The following TSC1 variants were observed in gnomAD, a reference collection of about 807,000 sequenced individuals.
TSC1 encodes the protein hamartin.
Under a neutral mutation model 124.3 loss-of-function variants are expected in TSC1, and 20 were observed. The observed-to-expected ratio is 0.16, with a 90% confidence interval of 0.11 to 0.23. The LOEUF (loss-of-function observed/expected upper bound fraction) is 0.23, where lower values mean the gene tolerates loss of function less well. Among genes scored for constraint, TSC1 ranks in the 10% least tolerant of loss-of-function variants. The pLI is 1.00. For missense variants in TSC1, 1,124 were observed against 1,448.5 expected (o/e 0.78, Z 3.64); for synonymous variants, 493 against 539.1 (o/e 0.91, Z 1.19).
In TSC1 at chr9:132,905,825, G is replaced by T. The variant is rs766367103; in HGVS notation, c.1753C>A (p.Pro585Thr). 6.2e-7 allele frequency: 1 copy of T among 1,614,074 alleles called. No individual in the cohort carries two copies. Among genetic ancestry groups the T allele is most frequent in the Non-Finnish European group, 8.5e-7 (1 of 1,180,010 alleles). The change falls in exon 15 of 23, where the codon CCT (proline) becomes ACT (threonine). Residue 585 changes from proline (P) to threonine (T), a missense_variant. Coordinates refer to ENST00000298552, the MANE Select transcript of TSC1 (RefSeq NM_000368.5). ...SLETSIFTPS[P>T]CKIPPPTRVG... ...CTCGTCGGAGGTGGAATTTTACAAG[G>T]ACTGGGAGTGAAGATACTGGTCTCC...
chr9:132,903,598 G>T lies in TSC1; in HGVS notation c.2208+53C>A. 1 of 1,610,948 alleles carries T rather than the reference G, an allele frequency of 6.2e-7. No homozygotes were observed. Among genetic ancestry groups the T allele is most frequent in the South Asian group, 1.1e-5 (1 of 90,744 alleles). Reference sequence around the variant, plus strand: ...GCTGTGCTTTATAAGCTATCATGCTGACCCAAAACAAAACAAAAAGCAAGC... The same window carrying T: ...GCTGTGCTTTATAAGCTATCATGCTTACCCAAAACAAAACAAAAAGCAAGC... On this transcript the variant is annotated intron_variant, in intron 17 of 22. Coordinates refer to ENST00000298552, the MANE Select transcript of TSC1 (RefSeq NM_000368.5). This position sits in a 1 kb window ranked among gnomAD's most constrained non-coding sequence, Gnocchi z 5.9.
chr9:132,935,545 G>T (rs1847414448), intron 1 of TSC1, among the ~76,000 whole-genome samples: 1 of 152,238 alleles, frequency 6.6e-6, no homozygotes, highest in South Asian at 2.1e-4. Flanking sequence ...TACATGAGAT[G>T]ATGCATTCCA....
Position 132,933,275 on chromosome 9 carries a change from A to G in TSC1, c.-81+1758T>C, listed in dbSNP as rs186936793. Among the ~76,000 whole-genome samples, 994 of 152,274 alleles carry G rather than the reference A, an allele frequency of 6.5e-3. 9 individuals carry two copies. Among genetic ancestry groups the G allele is most frequent in the Non-Finnish European group, 0.01 (712 of 68,030 alleles). Reference sequence around the variant, plus strand: ...GAGATGGGGTTTTACCATGTTGGCCAGGCTGGTCTCGAACTCCTGACCTCA... The same window carrying G: ...GAGATGGGGTTTTACCATGTTGGCCGGGCTGGTCTCGAACTCCTGACCTCA... On this transcript the variant is annotated intron_variant, in intron 2 of 22. Coordinates refer to ENST00000298552, the MANE Select transcript of TSC1 (RefSeq NM_000368.5).
intron 12 of TSC1, chr9:132,909,691 C>T (rs1307906631): frequency 2.0e-5 from 3 of 152,216 alleles, no homozygotes; most frequent in Non-Finnish European, 4.4e-5. Flanking sequence ...GTATGCAGTA[C>T]ATGTGCCTTA....
In TSC1 at chr9:132,900,846, A is replaced by C. The variant is rs1845337720; in HGVS notation, c.2503-9T>G. The C allele has an allele frequency of 5.6e-6, 9 of 1,614,054 alleles. No homozygotes were observed. The highest frequency in any genetic ancestry group is 7.6e-6 in the Non-Finnish European group (9 of 1,179,928). On this transcript the variant is annotated splice_polypyrimidine_tract_variant and intron_variant, in intron 19 of 22. Transcript: ENST00000298552. ...GACTCACTGTTTGAGAGCTAACCAA[A>C]AAACATGAGCAAAGTGAAAAATCCG... is the stretch of plus-strand genomic sequence containing the variant.
At position 132,906,826 on chromosome 9, in the gene TSC1, G is replaced by A. The variant is rs397514848; in HGVS notation, c.1343C>T (p.Pro448Leu). 6.2e-7 allele frequency: 1 copy of A among 1,614,018 alleles called. No individual in the cohort carries two copies. Among genetic ancestry groups the A allele is most frequent in the Non-Finnish European group, 8.5e-7 (1 of 1,180,000 alleles). ...TAGAGTGACAGAACCTTTGCTGCCA[G>A]GTGGCTCTTCTGAAGAGAAACAAAG... ...LLNDRGSEEP[P>L]GSKGSVTLSD... Residue 448 changes from proline to leucine, a missense_variant, in exon 14 of 23, where the codon CCT becomes CTT. Around this residue, in one of 5 missense-constraint regions of TSC1, gnomAD observed 463 missense variants for 606.8 expected, o/e 0.76. Coordinates refer to ENST00000298552, the MANE Select transcript of TSC1 (RefSeq NM_000368.5). The surrounding 1 kb of genome is among the most constrained non-coding windows in gnomAD (Gnocchi z 4.1).
intron 1 of TSC1, among the ~76,000 whole-genome samples, chr9:132,939,476 T>A (rs890381667): frequency 2.0e-5 from 3 of 152,198 alleles, no homozygotes; most frequent in Non-Finnish European, 4.4e-5. Context: ...TCAGGGGCCT[T>A]GATGGATGGT....
At position 132,924,058 on chromosome 9, in the gene TSC1, T is replaced by TAA. The variant is rs532749785; in HGVS notation, c.364-568_364-567dup. 3.1e-3 allele frequency among the ~76,000 whole-genome samples: 245 copies of TAA among 78,096 alleles called. 1 individual carries two copies. The highest frequency in any genetic ancestry group is 6.5e-3 in the Admixed American group (51 of 7,906). 51.2% of individuals were successfully genotyped at this position (78,096 alleles called of 152,430 possible). On this transcript the variant is annotated intron_variant, in intron 5 of 22. Coordinates refer to ENST00000298552, the MANE Select transcript of TSC1 (RefSeq NM_000368.5). ...AAGCAGTATTTAGAGACCAGTAAAT[T>TAA]AAAATATATATATATGGAAACCTTT...
intron 8 of TSC1, among the ~76,000 whole-genome samples, chr9:132,920,573 G>A (rs1324168750): frequency 6.6e-6 from 1 of 152,152 alleles, no homozygotes; most frequent in Non-Finnish European, 1.5e-5. Context: ...GTGTGGTAGA[G>A]GCAGTGTCTG....
chr9:132,933,266 A>G (rs1026900960), intron 2 of TSC1, among the ~76,000 whole-genome samples: 12 of 152,102 alleles, frequency 7.9e-5, no homozygotes, highest in Non-Finnish European at 1.2e-4. Flanking sequence ...GGGTTTTACC[A>G]TGTTGGCCAG....
intron 1 of TSC1, among the ~76,000 whole-genome samples, chr9:132,942,675 C>T (rs959170627): frequency 6.6e-6 from 1 of 152,202 alleles, no homozygotes; most frequent in Non-Finnish European, 1.5e-5. Flanking sequence ...AGGAACGTAC[C>T]AAGTGTTTAT....
chr9:132,924,378 C>T (rs1487033096), intron 5 of TSC1, among the ~76,000 whole-genome samples: 1 of 152,130 alleles, frequency 6.6e-6, no homozygotes, highest in Non-Finnish European at 1.5e-5. Flanking sequence ...AAGCATCAAG[C>T]CTTTCATTAC....
intron 8 of TSC1, among the ~76,000 whole-genome samples, chr9:132,920,002 T>G (rs1846460258): frequency 6.6e-6 from 1 of 152,258 alleles, no homozygotes; most frequent in East Asian, 1.9e-4. Flanking sequence ...TCCTGAGAGC[T>G]GAAAGCAGGC....
intron 2 of TSC1, among the ~76,000 whole-genome samples, chr9:132,934,828 C>T (rs1847373221): frequency 1.3e-5 from 2 of 152,256 alleles, no homozygotes; most frequent in South Asian, 2.1e-4. Context: ...AAGAAAGTAA[C>T]GCATATAATG....
At position 132,944,580 on chromosome 9, in the gene TSC1, C is replaced by T; in HGVS notation, c.-181G>A. The stretch of plus-strand genomic sequence containing the variant: ...CCCCCTCAGCTGTTTACCTCACAGT[C>T]CCTCCAGCCTACAGGGCGCCGCCAT... On this transcript the variant is annotated 5_prime_UTR_variant, in exon 1 of 23. Coordinates refer to ENST00000298552, the MANE Select transcript of TSC1 (RefSeq NM_000368.5). 1 of 398,924 alleles carries T rather than the reference C, an allele frequency of 2.5e-6. No homozygotes were observed. Among genetic ancestry groups the T allele is most frequent in the Non-Finnish European group, 4.4e-6 (1 of 226,330 alleles). The allele number at this position is 398,924 out of a possible 1,614,324, so 24.7% of individuals were successfully genotyped here.
Position 132,897,352 on chromosome 9 carries a change from G to C in TSC1, c.2814-7C>G. The C allele has an allele frequency of 5.6e-6, 9 of 1,614,170 alleles. No homozygotes were observed. Among genetic ancestry groups the C allele is most frequent in the Non-Finnish European group, 6.8e-6 (8 of 1,180,036 alleles). Reference sequence around the variant, plus strand: ...TGCGGCCTGCAGCTGTCCTCTGAAAGATACAGACCAGCCAGAATATAGGAA... The same window carrying C: ...TGCGGCCTGCAGCTGTCCTCTGAAACATACAGACCAGCCAGAATATAGGAA... On this transcript the variant is annotated splice_polypyrimidine_tract_variant and splice_region_variant and intron_variant, in intron 21 of 22. Transcript: ENST00000298552.
chr9:132,905,541 T>A, intron 15 of TSC1, 40 bp downstream of exon 15: 1 of 1,612,360 alleles, frequency 6.2e-7, no homozygotes, highest in Non-Finnish European at 8.5e-7. Flanking sequence ...CACAATAAAA[T>A]GGACCATTTA....
chr9:132,927,147 A>G, intron 4 of TSC1, 54 bp downstream of exon 4: 1 of 1,554,650 alleles, frequency 6.4e-7, no homozygotes, highest in Non-Finnish European at 8.8e-7. Context: ...CGTGCACAGA[A>G]GCTGTTGTAC....
In TSC1 at chr9:132,893,279, A is replaced by C. The variant is rs1267993316; in HGVS notation, c.*2956T>G. The C allele has an allele frequency of 4.3e-6, 1 of 233,310 alleles. No homozygotes were observed. Among genetic ancestry groups the C allele is most frequent in the East Asian group, 6.0e-5 (1 of 16,594 alleles). 14.5% of individuals were successfully genotyped at this position (233,310 alleles called of 1,614,324 possible). ...AATGCTGGTCCTAAAACTCATCTCC[A>C]AGGACATCTTTCACAACTTCTCCAT... On this transcript the variant is annotated 3_prime_UTR_variant, in exon 23 of 23. Transcript: ENST00000298552.
Sources: gnomAD v4.1 joint callset for allele counts (sites outside exome capture counted in the v4.1 genomes callset) on GRCh38, gnomAD v4.1.1 for gene constraint, gnomAD v4.1.1 regional missense constraint, Gnocchi (gnomAD v3.1) non-coding constraint, MANE v1.5 for transcripts, NCBI Gene and HGNC (gene_info 2026-07-23, HGNC 2026-07-21) for gene names.